Variants in GPC6 observed in about 807,000 individuals in gnomAD.
GPC6 encodes glypican-6.
A neutral mutation model predicts 55.2 loss-of-function variants in GPC6; 14 were observed. That is an observed-to-expected ratio of 0.25 (90% confidence interval 0.17 to 0.40). GPC6 has a LOEUF of 0.40. Ranked by LOEUF, GPC6 falls within the 10% of genes least tolerant of loss-of-function variation. GPC6 has a pLI of 1.00. For synonymous variants in GPC6, 278 were observed against 259.6 expected (o/e 1.07, Z -0.68); for missense variants, 641 against 708.5 (o/e 0.90, Z 1.08).
intron 2 of GPC6, among the ~76,000 whole-genome samples, chr13:93,615,797 C>T (rs1878692741): frequency 6.6e-6 from 1 of 152,052 alleles, no homozygotes; most frequent in African/African-American, 2.4e-5. Flanking sequence ...TTTCATTTAT[C>T]AATTCCAATC....
At position 93,771,800 on chromosome 13, in the gene GPC6, A is replaced by G. The variant is rs551546963; in HGVS notation, c.320-58354A>G. On this transcript the variant is annotated intron_variant, in intron 2 of 8. Transcript: ENST00000377047. ...TGAATCACTAAAGAGAAACCATCAT[A>G]ATATTTAAATGACCAAATAAGGAAC... 4.7e-4 allele frequency among the ~76,000 whole-genome samples: 72 copies of G among 152,314 alleles called. 1 individual carries two copies. Among genetic ancestry groups the G allele is most frequent in the Non-Finnish European group, 1.2e-4 (8 of 68,024 alleles).
At chr13:93,696,766 G>A (rs1284936236) in intron 2 of GPC6, among the ~76,000 whole-genome samples, 2 of 151,752 alleles carry the variant, frequency 1.3e-5, no homozygotes, top group Admixed American at 6.6e-5. Flanking sequence ...GGAATTACAG[G>A]CACCCACCAC....
At chr13:93,420,971 A>G (rs1876900910) in intron 1 of GPC6, among the ~76,000 whole-genome samples, 1 of 152,154 alleles carries the variant, frequency 6.6e-6, no homozygotes, top group Non-Finnish European at 1.5e-5. Flanking sequence ...CAGGAAGCCA[A>G]GCATGAGAAA....
rs1027911592 is a variant in GPC6 at position 94,405,730 on chromosome 13, T to C, written c.*2513T>C. On this transcript the variant is annotated 3_prime_UTR_variant, in exon 9 of 9. Coordinates refer to ENST00000377047, the MANE Select transcript of GPC6 (RefSeq NM_005708.5). The stretch of plus-strand genomic sequence containing the variant: ...CAATATGATTCATATTGATGAGATA[T>C]AGTGATGCATAATGAGCCAGGCAGA... 3 of 152,174 alleles carry C rather than the reference T, an allele frequency of 2.0e-5. No homozygotes were observed. The highest frequency in any genetic ancestry group is 6.5e-5 in the Admixed American group (1 of 15,274). The allele number at this position is 152,174 out of a possible 1,614,324, so 9.4% of individuals were successfully genotyped here. A position where few individuals can be genotyped will look rare whatever the true frequency, so the allele number is the denominator to read the frequency against.
chr13:94,390,016 A>G lies in GPC6; in HGVS notation c.1289+7466A>G, dbSNP rs143415920. Among the ~76,000 whole-genome samples the G allele has an allele frequency of 3.3e-5, 5 of 152,356 alleles. No homozygotes were observed. In the East Asian group the frequency reaches 9.6e-4, roughly 29 times the overall value. The stretch of plus-strand genomic sequence containing the variant: ...TCCTGACAGAAATATTGTGTCCCCA[A>G]GGAAATCCTTCCCAAGGCCAAGAGG... On this transcript the variant is annotated intron_variant, in intron 7 of 8. Transcript: ENST00000377047.
At chr13:93,717,434 A>G (rs1000638865) in intron 2 of GPC6, among the ~76,000 whole-genome samples, 30 of 151,622 alleles carry the variant, frequency 2.0e-4, no homozygotes, top group Admixed American at 3.3e-4. Context: ...ATGACTTCAC[A>G]GTGGGTAATC....
intron 1 of GPC6, among the ~76,000 whole-genome samples, chr13:93,455,391 G>T (rs903643410): frequency 6.6e-6 from 1 of 152,092 alleles, no homozygotes; most frequent in African/African-American, 2.4e-5. Flanking sequence ...ACTCAAGGAG[G>T]TTGATGTTTT....
At chr13:93,615,508 G>A (rs545792870) in intron 2 of GPC6, among the ~76,000 whole-genome samples, 1 of 152,164 alleles carries the variant, frequency 6.6e-6, no homozygotes, top group Non-Finnish European at 1.5e-5. Context: ...TTCCTCCTTT[G>A]TCCTACCTAT....
At chr13:93,986,849 A>C (rs1042954897) in intron 3 of GPC6, among the ~76,000 whole-genome samples, 12 of 152,244 alleles carry the variant, frequency 7.9e-5, no homozygotes, top group Admixed American at 5.2e-4. Context: ...CAAGTCAACT[A>C]TTCTTTTTGC....
At chr13:93,428,557 C>T (rs1397799459) in intron 1 of GPC6, among the ~76,000 whole-genome samples, 1 of 152,096 alleles carries the variant, frequency 6.6e-6, no homozygotes, top group African/African-American at 2.4e-5. Context: ...TCTTTTATAT[C>T]CTGGCCTTGG....
rs376477840 is a variant in GPC6 at position 94,035,162 on chromosome 13, C to T, written c.877+7268C>T. Among the ~76,000 whole-genome samples, 27 of 152,054 alleles carry T rather than the reference C, an allele frequency of 1.8e-4. No homozygotes were observed. The East Asian group carries it at 1.9e-3, about 11-fold the overall frequency. On this transcript the variant is annotated intron_variant, in intron 4 of 8. Coordinates refer to ENST00000377047, the MANE Select transcript of GPC6 (RefSeq NM_005708.5). ...TAGTTTAATTTATTTATATATAAAA[C>T]GTACTTGTTTTTAGTAATTGACATT...
intron 2 of GPC6, among the ~76,000 whole-genome samples, chr13:93,631,664 T>C (rs1472348772): frequency 2.0e-5 from 3 of 152,218 alleles, no homozygotes; most frequent in African/African-American, 7.2e-5. Flanking sequence ...TCCATGAATT[T>C]TCTCTCTTCA....
chr13:93,596,610 AATATATAT>A (rs66682625), intron 2 of GPC6, among the ~76,000 whole-genome samples: 41 of 132,870 alleles, frequency 3.1e-4, no homozygotes, highest in South Asian at 1.2e-3. Flanking sequence ...TAAATAAATA[AATATATAT>A]ATATATATAT....
At chr13:93,663,533 C>A (rs992774597) in intron 2 of GPC6, among the ~76,000 whole-genome samples, 7 of 152,162 alleles carry the variant, frequency 4.6e-5, no homozygotes, top group African/African-American at 1.7e-4. Flanking sequence ...TAAGACAGAT[C>A]CGTCTCTGAA....
At chr13:93,980,098 T>C (rs1289256659) in intron 3 of GPC6, among the ~76,000 whole-genome samples, 1 of 152,066 alleles carries the variant, frequency 6.6e-6, no homozygotes, top group Admixed American at 6.6e-5. Flanking sequence ...CCACAACAAA[T>C]GGAAATCTGA....
intron 2 of GPC6, among the ~76,000 whole-genome samples, chr13:93,719,459 C>A (rs981802766): frequency 6.6e-6 from 1 of 151,986 alleles, no homozygotes; most frequent in Admixed American, 6.6e-5. Context: ...GCTGAAGTTG[C>A]TTATCAGGTG....
chr13:93,655,349 G>T (rs1011612326), intron 2 of GPC6, among the ~76,000 whole-genome samples: 68 of 152,130 alleles, frequency 4.5e-4, no homozygotes, highest in Non-Finnish European at 4.4e-5. Context: ...ATTCCTGCAG[G>T]ATCCAACAAG....
At chr13:94,312,254 T>C (rs1594157704) in intron 6 of GPC6, among the ~76,000 whole-genome samples, 2 of 152,344 alleles carry the variant, frequency 1.3e-5, no homozygotes, top group Middle Eastern at 3.4e-3. Context: ...AGGTCACTGG[T>C]GACAAACATG....
At chr13:94,311,012 G>A (rs563127475) in intron 6 of GPC6, among the ~76,000 whole-genome samples, 25 of 152,166 alleles carry the variant, frequency 1.6e-4, no homozygotes, top group African/African-American at 6.0e-4. Flanking sequence ...TAGGTTGTTT[G>A]CTTTTCGTTT....
Sources: allele counts gnomAD v4.1 joint callset (sites outside exome capture counted in the v4.1 genomes callset), GRCh38; gene constraint gnomAD v4.1.1; transcripts MANE v1.5; gene names NCBI Gene and HGNC (gene_info 2026-07-23, HGNC 2026-07-21).